Variants in C13orf42 observed in about 807,000 individuals in gnomAD.
C13orf42 encodes uncharacterized protein C13orf42.
At chr13:51,165,423 G>T (rs75854559) in intron 1 of C13orf42, among the ~76,000 whole-genome samples, 1,712 of 152,244 alleles carry the variant, frequency 0.011, 13 homozygotes, top group Non-Finnish European at 0.017. Context: ...AAATTACCCA[G>T]GTATTTCCTA....
At chr13:51,109,963 A>G (rs1199199174) in intron 1 of C13orf42, among the ~76,000 whole-genome samples, 1 of 152,240 alleles carries the variant, frequency 6.6e-6, no homozygotes, top group Non-Finnish European at 1.5e-5. Flanking sequence ...TGCAATAAGC[A>G]TAAACAAAGA....
chr13:51,118,675 A>G (rs1407311851), intron 1 of C13orf42, among the ~76,000 whole-genome samples: 1 of 152,168 alleles, frequency 6.6e-6, no homozygotes, highest in African/African-American at 2.4e-5. Flanking sequence ...CTCAGAACAT[A>G]TTTAGGTGAA....
Position 51,083,143 on chromosome 13 carries a change from C to G in C13orf42, c.*1008G>C, listed in dbSNP as rs963916258. 1.3e-5 allele frequency: 2 copies of G among 151,766 alleles called. No homozygotes were observed. The highest frequency in any genetic ancestry group is 4.8e-5 in the African/African-American group (2 of 41,314). 9.4% of individuals were successfully genotyped at this position (151,766 alleles called of 1,614,324 possible). On this transcript the variant is annotated 3_prime_UTR_variant, in exon 4 of 4. Transcript: ENST00000563710. ...GCACAGACTGGTTTACAAGAAAATG[C>G]CAAAAAAAGAAGTGAGAATAGATAA...
At chr13:51,121,169 C>T (rs1487529704) in intron 1 of C13orf42, among the ~76,000 whole-genome samples, 5 of 152,232 alleles carry the variant, frequency 3.3e-5, no homozygotes, top group Middle Eastern at 3.4e-3. Context: ...CTCAGAAGGG[C>T]GCGCAGCTGT....
chr13:51,098,210 C>T (rs545430376), intron 1 of C13orf42, among the ~76,000 whole-genome samples: 2 of 152,182 alleles, frequency 1.3e-5, no homozygotes, highest in South Asian at 2.1e-4. Context: ...CTGAGATGCT[C>T]CCTTCCCCAG....
At chr13:51,139,576 C>A (rs1440575585) in intron 1 of C13orf42, among the ~76,000 whole-genome samples, 3 of 152,096 alleles carry the variant, frequency 2.0e-5, no homozygotes, top group African/African-American at 7.2e-5. Context: ...AGATACAGGT[C>A]ACAAAGACCT....
At position 51,085,423 on chromosome 13, in the gene C13orf42, G is replaced by A. The variant is rs752814372; in HGVS notation, c.699C>T (p.Thr233=). Residue 233 remains threonine, a synonymous_variant, in exon 3 of 4, where the codon ACC becomes ACT. Coordinates refer to ENST00000563710, the MANE Select transcript of C13orf42 (RefSeq NM_001351589.3). ...TCTCGAGTCTCCTCTGAGTGCCCACGGTCCTGTGCTCGGTGCTCCTTCGAA... is the reference window on the plus strand; with the variant it reads ...TCTCGAGTCTCCTCTGAGTGCCCACAGTCCTGTGCTCGGTGCTCCTTCGAA... ...GQFRRSTEHR[T]VGTQRRLERH... The A allele has an allele frequency of 5.0e-5, 20 of 398,468 alleles. No individual in the cohort carries two copies. Among genetic ancestry groups the A allele is most frequent in the Admixed American group, 2.2e-4 (5 of 22,716 alleles). The allele number at this position is 398,468 out of a possible 1,614,324, so 24.7% of individuals were successfully genotyped here. A position where few individuals can be genotyped will look rare whatever the true frequency, so the allele number is the denominator to read the frequency against.
At chr13:51,151,381 A>AG (rs1953776543) in intron 1 of C13orf42, among the ~76,000 whole-genome samples, 2 of 151,858 alleles carry the variant, frequency 1.3e-5, no homozygotes, top group South Asian at 4.2e-4. Flanking sequence ...AAAGGAAAAA[A>AG]AAAAGAAAAA....
intron 1 of C13orf42, among the ~76,000 whole-genome samples, chr13:51,116,748 C>T (rs901407723): frequency 7.2e-5 from 11 of 152,224 alleles, no homozygotes; most frequent in African/African-American, 7.2e-5. Flanking sequence ...ATTATATTTG[C>T]TCACAAATCT....
At chr13:51,169,266 G>A (rs907751641) in intron 1 of C13orf42, among the ~76,000 whole-genome samples, 4 of 152,164 alleles carry the variant, frequency 2.6e-5, no homozygotes, top group Non-Finnish European at 5.9e-5. Context: ...TATGGACAAC[G>A]AAATCCAGGC....
chr13:51,144,733 T>A (rs564331558), intron 1 of C13orf42, among the ~76,000 whole-genome samples: 1 of 152,218 alleles, frequency 6.6e-6, no homozygotes, highest in Non-Finnish European at 1.5e-5. Context: ...CCCAGATTTA[T>A]CTTGGAACCT....
intron 1 of C13orf42, among the ~76,000 whole-genome samples, chr13:51,141,352 A>T (rs1399778025): frequency 3.3e-5 from 5 of 151,968 alleles, no homozygotes; most frequent in Non-Finnish European, 1.5e-5. Context: ...TTAGACACTC[A>T]GAAGTGTCTG....
intron 1 of C13orf42, among the ~76,000 whole-genome samples, chr13:51,089,744 G>A (rs527809527): frequency 1.6e-4 from 25 of 151,916 alleles, no homozygotes; most frequent in Middle Eastern, 3.4e-3. Flanking sequence ...CCTGCTTTCT[G>A]ACTGGCAGAA....
chr13:51,126,250 T>C (rs1159300689), intron 1 of C13orf42, among the ~76,000 whole-genome samples: 1 of 152,260 alleles, frequency 6.6e-6, no homozygotes, highest in African/African-American at 2.4e-5. Flanking sequence ...TAGCATTTTA[T>C]ATGAACAGCA....
chr13:51,107,357 G>A (rs1953369680), intron 1 of C13orf42, among the ~76,000 whole-genome samples: 1 of 152,196 alleles, frequency 6.6e-6, no homozygotes, highest in Admixed American at 6.5e-5. Context: ...GAAAACATCA[G>A]AGTGCTAAGC....
intron 1 of C13orf42, among the ~76,000 whole-genome samples, chr13:51,091,655 A>C (rs1953181446): frequency 6.6e-6 from 1 of 152,070 alleles, no homozygotes; most frequent in Non-Finnish European, 1.5e-5. Flanking sequence ...AAACCAATTA[A>C]TTTAGACAAT....
At chr13:51,088,188 G>A (rs1051018552) in intron 1 of C13orf42, 113 bp from the exon 2 acceptor site, 6 of 395,150 alleles carry the variant, frequency 1.5e-5, no homozygotes, top group African/African-American at 1.0e-4. Flanking sequence ...GATTTGTGAG[G>A]TTTCAAAGGT....
chr13:51,109,153 AC>A (rs935182804), intron 1 of C13orf42, among the ~76,000 whole-genome samples: 2 of 152,158 alleles, frequency 1.3e-5, no homozygotes, highest in Non-Finnish European at 2.9e-5. Context: ...CGTGACTAGG[AC>A]CCTTTTTTAT....
chr13:51,171,954 C>T (rs1038276781), intron 1 of C13orf42: 2 of 152,162 alleles, frequency 1.3e-5, no homozygotes, highest in African/African-American at 4.8e-5. Flanking sequence ...AATTCTGGCC[C>T]TCAAACCCCA....
Sources: gnomAD v4.1 joint callset for allele counts (sites outside exome capture counted in the v4.1 genomes callset) on GRCh38, gnomAD v4.1.1 for gene constraint, MANE v1.5 for transcripts, NCBI Gene and HGNC (gene_info 2026-07-23, HGNC 2026-07-21) for gene names.